Variants in BMPR1B observed in about 807,000 individuals in gnomAD.
BMPR1B encodes bone morphogenetic protein receptor type 1B.
Under a neutral mutation model 59.1 loss-of-function variants are expected in BMPR1B, and 12 were observed. That is an observed-to-expected ratio of 0.20 (90% confidence interval 0.13 to 0.33). The LOEUF (loss-of-function observed/expected upper bound fraction) is 0.33, where lower values mean the gene tolerates loss of function less well. Among genes scored for constraint, BMPR1B ranks in the 10% least tolerant of loss-of-function variants. The probability of loss-of-function intolerance (pLI) is 1.00; values close to 1 mark genes in which losing one functional copy is unlikely to be tolerated. For missense variants in BMPR1B, 550 were observed against 610.9 expected (o/e 0.90, Z 1.05); for synonymous variants, 237 against 207.3 (o/e 1.14, Z -1.23).
chr4:94,833,083 C>T (rs1055177596), intron 1 of BMPR1B, among the ~76,000 whole-genome samples: 4 of 150,824 alleles, frequency 2.7e-5, no homozygotes, highest in Non-Finnish European at 4.4e-5. Context: ...CTCATTTACT[C>T]GGGAGGCTGA....
chr4:94,942,989 C>T (rs924747372), intron 2 of BMPR1B, among the ~76,000 whole-genome samples: 1 of 152,146 alleles, frequency 6.6e-6, no homozygotes, highest in African/African-American at 2.4e-5. Flanking sequence ...CAGTCGTCAA[C>T]CTTCCACAAT....
At chr4:95,038,968 A>G (rs1022825542) in intron 3 of BMPR1B, among the ~76,000 whole-genome samples, 5 of 152,204 alleles carry the variant, frequency 3.3e-5, no homozygotes, top group Non-Finnish European at 7.3e-5. Context: ...CTGCTTGACT[A>G]AATTTTTCAC....
At chr4:95,136,855 A>G (rs1407158630) in intron 10 of BMPR1B, among the ~76,000 whole-genome samples, 4 of 152,060 alleles carry the variant, frequency 2.6e-5, no homozygotes, top group Non-Finnish European at 5.9e-5. Flanking sequence ...TCTTTTCAAA[A>G]CACCAACTCC....
chr4:94,834,695 A>AT (rs1223047608), intron 1 of BMPR1B, among the ~76,000 whole-genome samples: 5 of 152,146 alleles, frequency 3.3e-5, no homozygotes, highest in Non-Finnish European at 7.4e-5. Context: ...GTTCACCAGG[A>AT]TGGGAGTGTT....
At position 95,155,268 on chromosome 4, in the gene BMPR1B, A is replaced by AC. The variant is rs1735336665; in HGVS notation, c.*596dup. 6.5e-6 allele frequency: 1 copy of AC among 154,404 alleles called. No individual in the cohort carries two copies. The highest frequency in any genetic ancestry group is 1.4e-5 in the Non-Finnish European group (1 of 69,614). The allele number at this position is 154,404 out of a possible 1,614,324, so 9.6% of individuals were successfully genotyped here. ...GGGGCCGCTATGGTAATGTGAATGCACTGGGTACAAACACCGCCTGTCTAG... is the reference window on the plus strand; with the variant it reads ...GGGGCCGCTATGGTAATGTGAATGCACCTGGGTACAAACACCGCCTGTCTAG... On this transcript the variant is annotated 3_prime_UTR_variant, in exon 13 of 13. Transcript: ENST00000515059.
chr4:95,146,740 A>C (rs541864932), intron 10 of BMPR1B, among the ~76,000 whole-genome samples: 27 of 152,278 alleles, frequency 1.8e-4, no homozygotes, highest in Admixed American at 6.5e-4. Context: ...TAAAATTAGG[A>C]CATGCTGGCA....
At chr4:94,941,887 C>T (rs772513925) in intron 2 of BMPR1B, among the ~76,000 whole-genome samples, 5 of 152,174 alleles carry the variant, frequency 3.3e-5, no homozygotes, top group Admixed American at 6.5e-5. Flanking sequence ...ATCACTCATC[C>T]GTCTCCAACA....
intron 2 of BMPR1B, among the ~76,000 whole-genome samples, chr4:94,920,379 G>A (rs1344687299): frequency 6.6e-6 from 1 of 152,024 alleles, no homozygotes; most frequent in South Asian, 2.1e-4. Context: ...TAATTATACA[G>A]CTAGTGCTCA....
At chr4:95,151,458 C>T (rs1465544415) in intron 11 of BMPR1B, among the ~76,000 whole-genome samples, 1 of 152,024 alleles carries the variant, frequency 6.6e-6, no homozygotes, top group Admixed American at 6.5e-5. Flanking sequence ...GCACATCCTG[C>T]GTGTTAGGCC....
chr4:95,120,974 A>G (rs1732480089), intron 6 of BMPR1B, among the ~76,000 whole-genome samples: 1 of 152,062 alleles, frequency 6.6e-6, no homozygotes, highest in Admixed American at 6.5e-5. Context: ...ATGCCCAGCT[A>G]ATTTTTGTAT....
At chr4:94,872,091 G>A (rs543456001) in intron 1 of BMPR1B, among the ~76,000 whole-genome samples, 18 of 152,150 alleles carry the variant, frequency 1.2e-4, no homozygotes, top group Non-Finnish European at 2.4e-4. Context: ...TCTTGTGAGC[G>A]AGTGCCCAGG....
At chr4:94,958,723 G>A (rs1420849777) in intron 2 of BMPR1B, among the ~76,000 whole-genome samples, 5 of 152,118 alleles carry the variant, frequency 3.3e-5, no homozygotes, top group Non-Finnish European at 7.4e-5. Context: ...AGTGTTAGTC[G>A]TTGTTTGGAA....
intron 2 of BMPR1B, among the ~76,000 whole-genome samples, chr4:94,978,667 T>G (rs925559596): frequency 6.6e-6 from 1 of 152,192 alleles, no homozygotes; most frequent in Non-Finnish European, 1.5e-5. Context: ...TATCAGGATC[T>G]AAGTAGAAAG....
intron 2 of BMPR1B, among the ~76,000 whole-genome samples, chr4:94,976,652 A>G (rs1731045078): frequency 6.6e-6 from 1 of 152,230 alleles, no homozygotes; most frequent in Non-Finnish European, 1.5e-5. Context: ...CTTTGAATTA[A>G]GGTTCTTTGG....
At chr4:94,977,633 C>G (rs945874240) in intron 2 of BMPR1B, among the ~76,000 whole-genome samples, 21 of 151,994 alleles carry the variant, frequency 1.4e-4, no homozygotes, top group Admixed American at 1.4e-3. Flanking sequence ...CCGAGGCGGG[C>G]AGATCATGAG....
intron 3 of BMPR1B, among the ~76,000 whole-genome samples, chr4:95,059,408 G>A (rs1488560404): frequency 2.0e-5 from 3 of 151,984 alleles, no homozygotes; most frequent in Admixed American, 6.6e-5. Context: ...CCTGTGCCCC[G>A]AGTGAAAAGA....
chr4:94,769,347 A>G (rs901962494), intron 1 of BMPR1B, among the ~76,000 whole-genome samples: 1 of 152,204 alleles, frequency 6.6e-6, no homozygotes, highest in Non-Finnish European at 1.5e-5. Context: ...GCGGTGGCTC[A>G]CGCCTGTAAT....
intron 4 of BMPR1B, among the ~76,000 whole-genome samples, chr4:95,107,417 G>A (rs977408801): frequency 1.3e-5 from 2 of 151,916 alleles, no homozygotes; most frequent in Non-Finnish European, 2.9e-5. Context: ...GTCAAACTTT[G>A]ATTTATGACA....
intron 2 of BMPR1B, among the ~76,000 whole-genome samples, chr4:94,904,714 A>G (rs1274487810): frequency 1.3e-5 from 2 of 152,082 alleles, no homozygotes; most frequent in Admixed American, 1.3e-4. Flanking sequence ...AGGTTTTAAA[A>G]TATATTACAT....
Sources: gnomAD v4.1 joint callset for allele counts (sites outside exome capture counted in the v4.1 genomes callset) on GRCh38, gnomAD v4.1.1 for gene constraint, MANE v1.5 for transcripts, NCBI Gene and HGNC (gene_info 2026-07-23, HGNC 2026-07-21) for gene names.